The following ZCCHC17 variants were observed in gnomAD, a reference collection of about 807,000 sequenced individuals.
ZCCHC17 encodes the protein zinc finger CCHC-type containing 17.
In ZCCHC17, 18 loss-of-function variants were observed where a neutral mutation model predicts 30.6. The observed-to-expected ratio is 0.59, with a 90% CI of 0.41 to 0.87. The LOEUF is 0.87. Ranked by LOEUF, ZCCHC17 falls within the 40% of genes least tolerant of loss-of-function variation. The probability of loss-of-function intolerance (pLI) is 0.00; values close to 1 mark genes in which losing one functional copy is unlikely to be tolerated. For synonymous variants in ZCCHC17, 88 were observed against 92.4 expected (o/e 0.95, Z 0.27); for missense variants, 263 against 284.2 (o/e 0.93, Z 0.54).
intron 3 of ZCCHC17, among the ~76,000 whole-genome samples, chr1:31,334,331 C>CTT (rs1638720816): frequency 1.6e-5 from 1 of 61,224 alleles, no homozygotes; most frequent in Non-Finnish European, 3.1e-5. Flanking sequence ...CTCTCTCTCT[C>CTT]TCTCTCTGTG....
At position 31,364,596 on chromosome 1, in the gene ZCCHC17, T is replaced by G. The variant is rs1320709200; in HGVS notation, c.*403T>G. The G allele has an allele frequency of 5.1e-6, 1 of 195,032 alleles. No individual in the cohort carries two copies. The highest frequency in any genetic ancestry group is 1.1e-5 in the Non-Finnish European group (1 of 92,772). The allele number at this position is 195,032 out of a possible 1,614,324, so 12.1% of individuals were successfully genotyped here. On this transcript the variant is annotated 3_prime_UTR_variant, in exon 8 of 8. Transcript: ENST00000344147. ...AGTTAGAGTGATTGGACCCTTCCTA[T>G]TGGTCTGTCCTGGGCCAACTGGTGG...
rs78122284 is a variant in ZCCHC17 at position 31,349,224 on chromosome 1, A to G, written c.564+250A>G. Among the ~76,000 whole-genome samples the G allele has an allele frequency of 5.8e-3, 882 of 152,378 alleles. 70 individuals are homozygous for G. The East Asian group carries it at 0.14, about 25-fold the overall frequency. On this transcript the variant is annotated intron_variant, in intron 7 of 7. Transcript: ENST00000344147. ...AAAGAAATTTTTTTTGTTAAAAAAAAAAGAAAAATGAAAATGTGCTTTTTG... is the reference window on the plus strand; with the variant it reads ...AAAGAAATTTTTTTTGTTAAAAAAAGAAGAAAAATGAAAATGTGCTTTTTG...
chr1:31,345,511 A>ACTGT (rs1387044739), intron 5 of ZCCHC17, among the ~76,000 whole-genome samples: 81 of 36,716 alleles, frequency 2.2e-3, no homozygotes, highest in African/African-American at 5.0e-3. Flanking sequence ...TCAAATTATG[A>ACTGT]AAAATCAAGT....
At chr1:31,316,717 C>G (rs921719297) in intron 2 of ZCCHC17, among the ~76,000 whole-genome samples, 1 of 152,116 alleles carries the variant, frequency 6.6e-6, no homozygotes, top group African/African-American at 2.4e-5. Flanking sequence ...TTGGCTCTAC[C>G]TTGCCTTAAT....
chr1:31,311,559 G>A (rs1472865041), intron 2 of ZCCHC17, among the ~76,000 whole-genome samples: 1 of 152,228 alleles, frequency 6.6e-6, no homozygotes, highest in African/African-American at 2.4e-5. Context: ...AGATCAAGTT[G>A]TCAGCAGATT....
chr1:31,362,987 A>T (rs555035443), intron 7 of ZCCHC17, among the ~76,000 whole-genome samples: 1 of 152,228 alleles, frequency 6.6e-6, no homozygotes, highest in African/African-American at 2.4e-5. Context: ...TTCTCTGTGT[A>T]TACTAAATAT....
chr1:31,310,111 A>G lies in ZCCHC17; in HGVS notation c.13A>G (p.Arg5Gly), dbSNP rs41272137. Residue 5 changes from arginine to glycine, a missense_variant, in exon 2 of 8, where the codon AGG becomes GGG. Physicochemically the swap from Arg to Gly is moderately radical, Grantham distance 125. Transcript: ENST00000344147. ...TAGAATATTAAGGATGAATTCAGGAAGGCCTGAGACCATGGAAAACTTGCC... is the reference window on the plus strand; with the variant it reads ...TAGAATATTAAGGATGAATTCAGGAGGGCCTGAGACCATGGAAAACTTGCC... MNSG[R>G]PETMENLPAL... 71 of 1,614,078 alleles carry G rather than the reference A, an allele frequency of 4.4e-5. No homozygotes were observed. The highest frequency in any genetic ancestry group is 5.7e-5 in the Non-Finnish European group (67 of 1,179,966).
chr1:31,328,537 A>G (rs890457605), intron 3 of ZCCHC17, among the ~76,000 whole-genome samples: 7 of 143,106 alleles, frequency 4.9e-5, no homozygotes, highest in African/African-American at 1.8e-4. Flanking sequence ...AATAAAAATT[A>G]AACTTTATCT....
At chr1:31,325,408 G>A (rs551583889) in intron 3 of ZCCHC17, among the ~76,000 whole-genome samples, 3 of 152,332 alleles carry the variant, frequency 2.0e-5, no homozygotes, top group African/African-American at 7.2e-5. Context: ...ACCTCTTTGG[G>A]GCTTTATGGT....
intron 5 of ZCCHC17, among the ~76,000 whole-genome samples, chr1:31,343,980 G>T (rs190357639): frequency 4.4e-4 from 65 of 147,894 alleles, no homozygotes; most frequent in African/African-American, 1.6e-3. Flanking sequence ...TCAGCCTCCC[G>T]AGTAGCTGGG....
chr1:31,353,070 C>T (rs1295200606), intron 7 of ZCCHC17, among the ~76,000 whole-genome samples: 2 of 152,080 alleles, frequency 1.3e-5, no homozygotes, highest in Admixed American at 6.6e-5. Context: ...CATCCTAATG[C>T]GTGTAAAGTG....
chr1:31,323,026 G>A (rs988632160), intron 3 of ZCCHC17, among the ~76,000 whole-genome samples: 1 of 151,770 alleles, frequency 6.6e-6, no homozygotes, highest in Non-Finnish European at 1.5e-5. Context: ...AGCCCAGGCT[G>A]AAATTTCTAA....
At chr1:31,340,194 C>T (rs542269352) in intron 5 of ZCCHC17, among the ~76,000 whole-genome samples, 40 of 151,940 alleles carry the variant, frequency 2.6e-4, no homozygotes, top group African/African-American at 9.6e-4. Flanking sequence ...AGCGATCCTC[C>T]CACCTTGGTC....
intron 3 of ZCCHC17, among the ~76,000 whole-genome samples, chr1:31,320,450 C>T (rs1475004331): frequency 1.3e-5 from 2 of 152,138 alleles, no homozygotes; most frequent in Admixed American, 1.3e-4. Context: ...AAAAAGAAAC[C>T]CTGTACCTAT....
rs1646765519 is a variant in ZCCHC17 at position 31,317,523 on chromosome 1, AAAGGC to A, written c.67-1582_67-1578del. Among the ~76,000 whole-genome samples, 14 of 152,386 alleles carry A rather than the reference AAAGGC, an allele frequency of 9.2e-5. No homozygotes were observed. The South Asian group carries it at 2.9e-3, about 32-fold the overall frequency. ...AGAACAAATGGGAACTTAGGCCCTG[AAAGGC>A]AAGTTGTGTGCAAGATCCTACAGGT... is the stretch of plus-strand genomic sequence containing the variant. On this transcript the variant is annotated intron_variant, in intron 2 of 7. Coordinates refer to ENST00000344147, the MANE Select transcript of ZCCHC17 (RefSeq NM_016505.4).
chr1:31,338,083 C>T (rs1638890536), intron 4 of ZCCHC17, among the ~76,000 whole-genome samples: 1 of 151,812 alleles, frequency 6.6e-6, no homozygotes, highest in Non-Finnish European at 1.5e-5. Flanking sequence ...GATCTTGCCA[C>T]CTCAGCCTCC....
intron 7 of ZCCHC17, among the ~76,000 whole-genome samples, chr1:31,357,508 C>G (rs1474524892): frequency 6.6e-6 from 1 of 152,206 alleles, no homozygotes; most frequent in African/African-American, 2.4e-5. Context: ...CTGTTCTGGC[C>G]ATTGCAGGTA....
At chr1:31,307,637 C>G (rs1166378365) in intron 1 of ZCCHC17, among the ~76,000 whole-genome samples, 1 of 151,454 alleles carries the variant, frequency 6.6e-6, no homozygotes, top group Non-Finnish European at 1.5e-5. Context: ...TGCAGTGGCA[C>G]AATCTCGGCT....
At chr1:31,298,668 A>G (rs117210969) in intron 1 of ZCCHC17, among the ~76,000 whole-genome samples, 1 of 152,336 alleles carries the variant, frequency 6.6e-6, no homozygotes, top group African/African-American at 2.4e-5. Flanking sequence ...TACAGGCCTG[A>G]GCCACTGCTC....
Sources: gnomAD v4.1 joint callset for allele counts (sites outside exome capture counted in the v4.1 genomes callset) on GRCh38, gnomAD v4.1.1 for gene constraint, MANE v1.5 for transcripts, NCBI Gene and HGNC (gene_info 2026-07-23, HGNC 2026-07-21) for gene names.